The following CLVS1 variants were observed in gnomAD, a reference collection of about 807,000 sequenced individuals.
CLVS1 encodes clavesin-1.
A neutral mutation model predicts 33.1 loss-of-function variants in CLVS1; 10 were observed. That is an observed-to-expected ratio of 0.30 (90% CI 0.19 to 0.51). The LOEUF is 0.51. Ranked by LOEUF, CLVS1 falls within the 20% of genes least tolerant of loss-of-function variation. CLVS1 has a pLI of 0.97. For missense variants in CLVS1, 343 were observed against 433.4 expected (o/e 0.79, Z 1.85); for synonymous variants, 163 against 166.1 (o/e 0.98, Z 0.14).
chr8:61,389,080 T>G (rs1253330858), intron 3 of CLVS1, among the ~76,000 whole-genome samples: 3 of 152,218 alleles, frequency 2.0e-5, no homozygotes, highest in Non-Finnish European at 4.4e-5. Context: ...GTACACACTT[T>G]ATTCTTAAGA....
chr8:61,102,754 C>A (rs1805473385), intron 1 of CLVS1, among the ~76,000 whole-genome samples: 1 of 151,272 alleles, frequency 6.6e-6, no homozygotes, highest in African/African-American at 2.4e-5. Flanking sequence ...AGGGGCAAAA[C>A]TTATGAATAT....
At chr8:61,108,152 TC>T (rs1477309805) in intron 1 of CLVS1, among the ~76,000 whole-genome samples, 1 of 143,236 alleles carries the variant, frequency 7.0e-6, no homozygotes, top group African/African-American at 2.7e-5. Context: ...ATGCCTGTAG[TC>T]CCTGCAGTGG....
chr8:60,974,665 G>T, the CLVS1 span, among the ~76,000 whole-genome samples: 1 of 151,714 alleles, frequency 6.6e-6, no homozygotes, highest in Non-Finnish European at 1.5e-5. Flanking sequence ...TAGTCAACTG[G>T]TTTATTAAGA....
chr8:61,217,195 T>C (rs1444911983), intron 2 of CLVS1, among the ~76,000 whole-genome samples: 1 of 152,206 alleles, frequency 6.6e-6, no homozygotes, highest in Admixed American at 6.5e-5. Flanking sequence ...TGTTTTGATT[T>C]ATAAAAGATC....
intron 3 of CLVS1, among the ~76,000 whole-genome samples, chr8:61,396,841 G>A (rs1214824270): frequency 6.6e-6 from 1 of 152,102 alleles, no homozygotes; most frequent in East Asian, 1.9e-4. Context: ...TGTTTTCAAG[G>A]TGATTCCAGG....
chr8:61,015,230 C>G, the CLVS1 span, among the ~76,000 whole-genome samples: 3 of 152,196 alleles, frequency 2.0e-5, no homozygotes, highest in Non-Finnish European at 4.4e-5. Context: ...TTAATCCTTA[C>G]AGCAAACCTA....
chr8:61,041,711 TG>T, the CLVS1 span, among the ~76,000 whole-genome samples: 1 of 152,222 alleles, frequency 6.6e-6, no homozygotes. Flanking sequence ...TTTTGTGCAT[TG>T]ATTTTGTATC....
intron 2 of CLVS1, among the ~76,000 whole-genome samples, chr8:61,240,490 T>C (rs3864671): frequency 0.16 from 24,318 of 152,158 alleles, 3,606 homozygotes; most frequent in East Asian, 0.68. Flanking sequence ...TGTCAAACAA[T>C]TTCTATGTGA....
chr8:61,112,226 A>G (rs1323502537), intron 1 of CLVS1, among the ~76,000 whole-genome samples: 1 of 151,580 alleles, frequency 6.6e-6, no homozygotes, highest in East Asian at 1.9e-4. Context: ...ACACGCACAG[A>G]GACAGAGAGA....
intron 5 of CLVS1, among the ~76,000 whole-genome samples, chr8:61,467,805 A>G (rs891957408): frequency 6.6e-5 from 10 of 152,234 alleles, no homozygotes; most frequent in African/African-American, 1.9e-4. Context: ...AAAAGTTTAT[A>G]TAGAATACAT....
chr8:61,018,803 C>T, the CLVS1 span, among the ~76,000 whole-genome samples: 1 of 152,208 alleles, frequency 6.6e-6, no homozygotes, highest in Admixed American at 6.5e-5. Flanking sequence ...TCTACATTTA[C>T]CTCCATTCAT....
intron 5 of CLVS1, among the ~76,000 whole-genome samples, chr8:61,491,821 T>C (rs1804099166): frequency 6.6e-6 from 1 of 152,222 alleles, no homozygotes; most frequent in Non-Finnish European, 1.5e-5. Flanking sequence ...TTTATTTATT[T>C]TGAGATAAAA....
intron 3 of CLVS1, among the ~76,000 whole-genome samples, chr8:61,395,636 G>A (rs772786270): frequency 2.3e-4 from 35 of 151,314 alleles, no homozygotes; most frequent in Non-Finnish European, 4.6e-4. Context: ...AAGATTGCTG[G>A]GCCCACACAT....
At chr8:61,051,616 T>A in the CLVS1 span, among the ~76,000 whole-genome samples, 1 of 152,230 alleles carries the variant, frequency 6.6e-6, no homozygotes, top group East Asian at 1.9e-4. Context: ...AAGCCCCACA[T>A]CCGCAAAGAG....
intron 2 of CLVS1, among the ~76,000 whole-genome samples, chr8:61,271,872 A>C (rs539193037): frequency 1.3e-5 from 2 of 150,650 alleles, no homozygotes; most frequent in East Asian, 1.9e-4. Context: ...TGCTTGGTAG[A>C]TCTTCCTCCA....
At chr8:61,059,653 T>C (rs1804548377) in intron 1 of CLVS1, among the ~76,000 whole-genome samples, 1 of 150,280 alleles carries the variant, frequency 6.7e-6, no homozygotes, top group East Asian at 2.0e-4. Context: ...CTACTAAAAA[T>C]AGAAAAAATT....
At chr8:61,229,270 C>T (rs1446499295) in intron 2 of CLVS1, among the ~76,000 whole-genome samples, 1 of 152,194 alleles carries the variant, frequency 6.6e-6, no homozygotes, top group Non-Finnish European at 1.5e-5. Flanking sequence ...CCAGGCACTG[C>T]CAGTAGAAAT....
At chr8:61,214,380 C>T (rs1159738493) in intron 2 of CLVS1, among the ~76,000 whole-genome samples, 2 of 152,130 alleles carry the variant, frequency 1.3e-5, no homozygotes, top group Admixed American at 6.5e-5. Context: ...TGATGTCTCC[C>T]CCAGACGCCC....
intron 2 of CLVS1, among the ~76,000 whole-genome samples, chr8:61,341,388 C>T (rs3864676): frequency 0.37 from 55,736 of 152,144 alleles, 12,384 homozygotes; most frequent in East Asian, 0.64. Context: ...TTGTCCTCTG[C>T]GGTCCATTTT....
Sources: gnomAD v4.1 joint callset for allele counts (sites outside exome capture counted in the v4.1 genomes callset) on GRCh38, gnomAD v4.1.1 for gene constraint, MANE v1.5 for transcripts, NCBI Gene and HGNC (gene_info 2026-07-23, HGNC 2026-07-21) for gene names.